Variants in GRN observed in about 807,000 individuals in gnomAD.
GRN encodes the protein progranulin.
A neutral mutation model predicts 66.7 loss-of-function variants in GRN; 30 were observed. The ratio of observed to expected loss-of-function variants is 0.45; its 90% CI spans 0.34 to 0.61. The LOEUF (loss-of-function observed/expected upper bound fraction) is 0.61. Ranked by LOEUF, GRN falls within the 20% of genes least tolerant of loss-of-function variation. GRN has a pLI of 0.01. For synonymous variants in GRN, 327 were observed against 311.1 expected, an observed-to-expected ratio of 1.05 and a Z score of -0.54; for missense variants, 731 against 803.5, an observed-to-expected ratio of 0.91 and a Z score of 1.09.
At position 44,352,884 on chromosome 17, in the gene GRN, C is replaced by T; in HGVS notation, c.*86C>T. On this transcript the variant is annotated 3_prime_UTR_variant, in exon 13 of 13. Transcript: ENST00000053867. ...GGCCTCCCTAGCACCTCCCCCTAAC[C>T]AAATTCTCCCTGGACCCCATTCTGA... is the stretch of plus-strand genomic sequence containing the variant. The T allele has an allele frequency of 7.8e-7, 1 of 1,290,090 alleles. No individual in the cohort carries two copies. The highest frequency in any genetic ancestry group is 1.1e-6 in the Non-Finnish European group (1 of 910,800). 79.9% of individuals were successfully genotyped at this position (1,290,090 alleles called of 1,614,324 possible).
At position 44,349,521 on chromosome 17, in the gene GRN, A is replaced by G; in HGVS notation, c.234A>G (p.Ser78=). Residue 78 remains serine, a synonymous_variant, in exon 3 of 13, where the codon TCA becomes TCG. Coordinates refer to ENST00000053867, the MANE Select transcript of GRN (RefSeq NM_002087.4). The part of the protein sequence containing the change: ...SAGHSCIFTV[S]GTSSCCPFPE... ...GCCACTCCTGCATCTTTACCGTCTC[A>G]GGGACTTCCAGTTGCTGCCCCTTCC... The G allele has an allele frequency of 6.2e-7, 1 of 1,614,146 alleles. No homozygotes were observed. Among genetic ancestry groups the G allele is most frequent in the Non-Finnish European group, 8.5e-7 (1 of 1,180,010 alleles).
chr17:44,345,380 G>GC (rs1228682029), intron 1 of GRN, 46 bp downstream of exon 1: 2 of 314 alleles, frequency 6.4e-3, no homozygotes, highest in Non-Finnish European at 0.01. Flanking sequence ...CTGCCCAGGG[G>GC]CCCGCCAGGG....
chr17:44,349,259 T>C lies in GRN; in HGVS notation c.95T>C (p.Leu32Pro). Residue 32 changes from leucine (L) to proline (P), a missense_variant, in exon 2 of 13, where the codon CTG (leucine) becomes CCG (proline). Physicochemically the swap from Leu to Pro is moderately conservative, Grantham distance 98 (BLOSUM62 -3). This residue lies in a region of GRN where 370 missense variants were observed against 379.8 expected (regional missense o/e 0.97). Coordinates refer to ENST00000053867, the MANE Select transcript of GRN (RefSeq NM_002087.4). ...DGQFCPVACC[L>P]DPGGASYSCC... ...CAGTTCTGCCCTGTGGCCTGCTGCC[T>C]GGACCCCGGAGGAGCCAGCTACAGC... 1 of 1,614,002 alleles carries C rather than the reference T, an allele frequency of 6.2e-7. No individual in the cohort carries two copies. Among genetic ancestry groups the C allele is most frequent in the African/African-American group, 1.3e-5 (1 of 75,068 alleles).
Position 44,352,949 on chromosome 17 carries a change from C to A in GRN, c.*151C>A. The A allele has an allele frequency of 1.3e-6, 1 of 751,640 alleles. No individual in the cohort carries two copies. Among genetic ancestry groups the A allele is most frequent in the Non-Finnish European group, 2.2e-6 (1 of 446,178 alleles). 46.6% of individuals were successfully genotyped at this position (751,640 alleles called of 1,614,324 possible). On this transcript the variant is annotated 3_prime_UTR_variant, in exon 13 of 13. Coordinates refer to ENST00000053867, the MANE Select transcript of GRN (RefSeq NM_002087.4). ...TGGGAGGTGGGGCCTCAATCTAAGG[C>A]CTTCCCTGTCAGAAGGGGGTTGTGG...
rs759134554 is a variant in GRN at position 44,352,190 on chromosome 17, T to C, written c.1355T>C (p.Val452Ala). ...IGCDQHTSCPVGQTCCPSLGG... is the reference protein window; with the variant it reads ...IGCDQHTSCPAGQTCCPSLGG... ...TGTGACCAGCACACCAGCTGCCCGG[T>C]GGGGCAGACCTGCTGCCCGAGCCTG... Residue 452 changes from valine to alanine, a missense_variant, in exon 11 of 13, where the codon GTG (valine) becomes GCG (alanine). Physicochemically the swap from Val to Ala is moderately conservative, Grantham distance 64. Coordinates refer to ENST00000053867, the MANE Select transcript of GRN (RefSeq NM_002087.4). 8.1e-6 allele frequency: 13 copies of C among 1,613,230 alleles called. No individual in the cohort carries two copies. The African/African-American group carries it at 1.5e-4, about 18-fold the overall frequency.
In GRN at chr17:44,350,570, C is replaced by G. The variant is rs1446542034; in HGVS notation, c.591C>G (p.Asn197Lys). 3 of 1,613,786 alleles carry G rather than the reference C, an allele frequency of 1.9e-6. No individual in the cohort carries two copies. The highest frequency in any genetic ancestry group is 2.5e-6 in the Non-Finnish European group (3 of 1,179,920). ...AGAAGCTCCCTGCCCAGAGGACTAA[C>G]AGGGCAGGTGAGGAGGTGGGAGAGC... ...LAKKLPAQRT[N>K]RAVALSSSVM... The change falls in exon 6 of 13, where the codon AAC becomes AAG. Residue 197 changes from asparagine (N) to lysine (K), a missense_variant. By Grantham distance (94) the Asn-to-Lys change is moderately conservative. Transcript: ENST00000053867.
At chr17:44,349,977 G>A in intron 4 of GRN, 1 of 639,268 alleles carries the variant, frequency 1.6e-6, no homozygotes, top group South Asian at 1.8e-5. Flanking sequence ...GGGGTGGGGA[G>A]AGGTCGAGCT....
At chr17:44,351,975 T>C (rs1208545785) in intron 10 of GRN, 40 bp from the exon 11 acceptor site, 7 of 1,540,680 alleles carry the variant, frequency 4.5e-6, no homozygotes, top group African/African-American at 1.4e-5. Flanking sequence ...GCGCCCCACA[T>C]AGTGGCTACC....
chr17:44,348,902 C>T (rs1489227635), intron 1 of GRN, among the ~76,000 whole-genome samples: 1 of 152,264 alleles, frequency 6.6e-6, no homozygotes, highest in Admixed American at 6.5e-5. Flanking sequence ...GCTGGGGACT[C>T]AGACCCACAC....
At position 44,351,511 on chromosome 17, in the gene GRN, G is replaced by A. The variant is rs775108834; in HGVS notation, c.934-39G>A. On this transcript the variant is annotated intron_variant, in intron 9 of 12. Transcript: ENST00000053867. ...GCTGAGCACAGTGTGGCAGGCAGCC[G>A]GGCCCCAGTGCCCACCTGCCCTTCT... is the stretch of plus-strand genomic sequence containing the variant. 7 of 1,613,538 alleles carry A rather than the reference G, an allele frequency of 4.3e-6. No homozygotes were observed. The South Asian group carries it at 4.4e-5, about 10-fold the overall frequency.
intron 1 of GRN, among the ~76,000 whole-genome samples, chr17:44,346,821 G>A (rs1280997675): frequency 6.6e-6 from 1 of 152,150 alleles, no homozygotes; most frequent in Non-Finnish European, 1.5e-5. Context: ...TAATACAATG[G>A]AAATGACATG....
intron 1 of GRN, among the ~76,000 whole-genome samples, chr17:44,347,927 C>CA (rs398030919): frequency 0.38 from 41,050 of 108,574 alleles, 7,185 homozygotes; most frequent in Non-Finnish European, 0.46. Flanking sequence ...AAGACTGTCT[C>CA]AAAAAAAAAA....
At chr17:44,347,734 C>T (rs2048335916) in intron 1 of GRN, among the ~76,000 whole-genome samples, 1 of 150,912 alleles carries the variant, frequency 6.6e-6, no homozygotes, top group Non-Finnish European at 1.5e-5. Context: ...GGTGGATCAG[C>T]TGAGGTCAGG....
In GRN at chr17:44,350,694, C is replaced by A; in HGVS notation, c.602C>A (p.Ala201Asp). The change falls in exon 7 of 13, where the codon GCC becomes GAC. Residue 201 changes from alanine (A) to aspartate (D), a missense_variant. By Grantham distance (126) the Ala-to-Asp change is moderately radical. Coordinates refer to ENST00000053867, the MANE Select transcript of GRN (RefSeq NM_002087.4). Reference sequence around the variant, plus strand: ...CTCACGTTTGCTCCTCTTCCAGTGGCCTTGTCCAGCTCGGTCATGTGTCCG... The same window carrying A: ...CTCACGTTTGCTCCTCTTCCAGTGGACTTGTCCAGCTCGGTCATGTGTCCG... Reference protein sequence around the residue: ...LPAQRTNRAVALSSSVMCPDA... With the variant: ...LPAQRTNRAVDLSSSVMCPDA... 6.2e-7 allele frequency: 1 copy of A among 1,613,762 alleles called. No individual in the cohort carries two copies.
rs1354832051 is a variant in GRN at position 44,349,734 on chromosome 17, C to T, written c.332C>T (p.Ser111Phe). 4.4e-6 allele frequency: 7 copies of T among 1,608,908 alleles called. No individual in the cohort carries two copies. The highest frequency in any genetic ancestry group is 1.7e-4 in the Middle Eastern group (1 of 6,050). ...RGFHCSADGR[S>F]CFQRSGNNSV... Reference sequence around the variant, plus strand: ...TTCCACTGCAGTGCAGACGGGCGATCCTGCTTCCAAAGATCAGGTGCAGCT... The same window carrying T: ...TTCCACTGCAGTGCAGACGGGCGATTCTGCTTCCAAAGATCAGGTGCAGCT... The change falls in exon 4 of 13, where the codon TCC becomes TTC. Residue 111 changes from serine (S) to phenylalanine (F), a missense_variant. Ser to Phe is a radical substitution (Grantham distance 155). Transcript: ENST00000053867.
rs1182249140 is a variant in GRN at position 44,352,469 on chromosome 17, G to T, written c.1542G>T (p.Val514=). Residue 514 remains valine (V), a synonymous_variant, in exon 12 of 13, where the codon GTG becomes GTT. Coordinates refer to ENST00000053867, the MANE Select transcript of GRN (RefSeq NM_002087.4). ...CCTTCCTGGCCCGTAGCCCTCACGT[G>T]GGTGTGAAGGACGTGGAGTGTGGGG... The part of the protein sequence containing the change: ...PATFLARSPH[V]GVKDVECGEG... 1.2e-6 allele frequency: 2 copies of T among 1,613,902 alleles called. No individual in the cohort carries two copies. Among genetic ancestry groups the T allele is most frequent in the African/African-American group, 1.3e-5 (1 of 74,922 alleles).
Position 44,352,588 on chromosome 17 carries a change from A to G in GRN, c.1644+17A>G. On this transcript the variant is annotated intron_variant, in intron 12 of 12. Transcript: ENST00000053867. ...TACCGCCAGGTCAGTGCCAACCCCC[A>G]TCCTGGGGCTGGGTATGGCCAGGGA... is the stretch of plus-strand genomic sequence containing the variant. 6.2e-7 allele frequency: 1 copy of G among 1,612,004 alleles called. No homozygotes were observed. The highest frequency in any genetic ancestry group is 1.3e-5 in the African/African-American group (1 of 74,990).
Position 44,352,646 on chromosome 17 carries a change from C to G in GRN, c.1645-15C>G, listed in dbSNP as rs1292365225. ...CCACCTCGTCCAACCCTCTCGCCCC[C>G]CTCTGACCATCCAGGGCGTCTGTTG... On this transcript the variant is annotated splice_polypyrimidine_tract_variant and intron_variant, in intron 12 of 12. Coordinates refer to ENST00000053867, the MANE Select transcript of GRN (RefSeq NM_002087.4). 4 of 1,610,116 alleles carry G rather than the reference C, an allele frequency of 2.5e-6. No individual in the cohort carries two copies. Among genetic ancestry groups the G allele is most frequent in the South Asian group, 1.1e-5 (1 of 91,088 alleles).
chr17:44,352,736 C>T lies in GRN; in HGVS notation c.1720C>T (p.Arg574Cys), dbSNP rs745842292. The T allele has an allele frequency of 1.3e-5, 21 of 1,611,374 alleles. No individual in the cohort carries two copies. The highest frequency in any genetic ancestry group is 2.2e-5 in the South Asian group (2 of 91,088). The change falls in exon 13 of 13, where the codon CGC becomes TGC. Residue 574 changes from arginine (R) to cysteine (C), a missense_variant. Transcript: ENST00000053867. ...RCAARGTKCL[R>C]REAPRWDAPL... ...CGCAGCCAGGGGTACCAAGTGTTTG[C>T]GCAGGGAGGCCCCGCGCTGGGACGC... is the stretch of plus-strand genomic sequence containing the variant.
Sources: gnomAD v4.1 joint callset for allele counts (sites outside exome capture counted in the v4.1 genomes callset) on GRCh38, gnomAD v4.1.1 for gene constraint, gnomAD v4.1.1 regional missense constraint, MANE v1.5 for transcripts, NCBI Gene and HGNC (gene_info 2026-07-23, HGNC 2026-07-21) for gene names.